Variants in GNE observed in about 807,000 individuals in gnomAD.
GNE encodes bifunctional UDP-N-acetylglucosamine 2-epimerase/N-acetylmannosamine kinase.
GNE carries 41 observed loss-of-function variants against 61.8 expected under a neutral mutation model. The observed-to-expected ratio is 0.66, with a 90% CI of 0.52 to 0.86. The LOEUF (loss-of-function observed/expected upper bound fraction) is 0.86. Ranked by LOEUF, GNE falls within the 40% of genes least tolerant of loss-of-function variation. The pLI is 0.00. For synonymous variants in GNE, 264 were observed against 326.4 expected (o/e 0.81, Z 2.06); for missense variants, 608 against 909.1 (o/e 0.67, Z 4.26).
chr9:36,245,254 A>C (rs1829820977), intron 3 of GNE, among the ~76,000 whole-genome samples: 1 of 151,982 alleles, frequency 6.6e-6, no homozygotes, highest in African/African-American at 2.4e-5. Flanking sequence ...ACAGAGCAAG[A>C]CTCTGTCTCA....
At chr9:36,220,440 G>C (rs1400049137) in intron 9 of GNE, among the ~76,000 whole-genome samples, 1 of 152,222 alleles carries the variant, frequency 6.6e-6, no homozygotes, top group East Asian at 1.9e-4. Context: ...GCAGGAGCCG[G>C]CAGATCCACA....
At chr9:36,238,095 GA>G (rs1046422888) in intron 3 of GNE, among the ~76,000 whole-genome samples, 2 of 149,174 alleles carry the variant, frequency 1.3e-5, no homozygotes, top group African/African-American at 5.0e-5. Context: ...TAGATATATA[GA>G]TGTAGATATA....
intron 1 of GNE, among the ~76,000 whole-genome samples, chr9:36,271,255 C>T (rs1454521125): frequency 6.6e-6 from 1 of 152,238 alleles, no homozygotes; most frequent in Non-Finnish European, 1.5e-5. Context: ...CTGCTGCTTA[C>T]ACCCAATCAG....
chr9:36,239,664 G>C (rs889658781), intron 3 of GNE, among the ~76,000 whole-genome samples: 2 of 151,616 alleles, frequency 1.3e-5, no homozygotes, highest in Non-Finnish European at 2.9e-5. Context: ...GTAGAGTCAG[G>C]GTTTCACCAT....
At chr9:36,226,710 A>C (rs1225295011) in intron 7 of GNE, among the ~76,000 whole-genome samples, 1 of 152,218 alleles carries the variant, frequency 6.6e-6, no homozygotes, top group Non-Finnish European at 1.5e-5. Flanking sequence ...ATTAGAGATC[A>C]CTTTAACATG....
chr9:36,239,687 AGT>A (rs1829557052), intron 3 of GNE, among the ~76,000 whole-genome samples: 1 of 151,770 alleles, frequency 6.6e-6, no homozygotes, highest in Non-Finnish European at 1.5e-5. Flanking sequence ...TGGCCAGGCT[AGT>A]CTCAAACTCC....
upstream of GNE, among the ~76,000 whole-genome samples, chr9:36,259,213 T>A (rs551533695): frequency 6.6e-6 from 1 of 152,330 alleles, no homozygotes; most frequent in African/African-American, 2.4e-5. Context: ...TGCCACCGAA[T>A]CAGGCTTTAA....
intron 3 of GNE, among the ~76,000 whole-genome samples, chr9:36,241,344 T>C (rs922500690): frequency 2.0e-5 from 3 of 152,220 alleles, no homozygotes; most frequent in African/African-American, 7.2e-5. Flanking sequence ...CTCTATCTCC[T>C]GACCTTGTGA....
chr9:36,221,127 C>G (rs1480161926), intron 9 of GNE, among the ~76,000 whole-genome samples: 1 of 152,102 alleles, frequency 6.6e-6, no homozygotes, highest in African/African-American at 2.4e-5. Context: ...TCAAGACCAG[C>G]CTGACCAACG....
intron 2 of GNE, among the ~76,000 whole-genome samples, chr9:36,247,306 C>T (rs1240780742): frequency 2.0e-5 from 3 of 151,960 alleles, no homozygotes; most frequent in African/African-American, 7.2e-5. Flanking sequence ...CCGCCCGCCT[C>T]GTCCTCCCAA....
Position 36,218,382 on chromosome 9 carries a change from CCTA to C in GNE, c.1817-86_1817-84del. ...CCACTGGGCCTGTGGAAAGCAAGCC[CCTA>C]CATGGGAAGACGGTGTTTTCTTTTC... On this transcript the variant is annotated intron_variant, in intron 10 of 11. Transcript: ENST00000642385. This position sits in a 1 kb window ranked among gnomAD's most constrained non-coding sequence, Gnocchi z 4.1. The C allele has an allele frequency of 1.1e-6, 1 of 915,964 alleles. No individual in the cohort carries two copies. Among genetic ancestry groups the C allele is most frequent in the Non-Finnish European group, 1.8e-6 (1 of 548,480 alleles). 56.7% of individuals were successfully genotyped at this position (915,964 alleles called of 1,614,324 possible).
chr9:36,237,822 T>C (rs1193472396), intron 3 of GNE, among the ~76,000 whole-genome samples: 2 of 150,372 alleles, frequency 1.3e-5, no homozygotes, highest in Admixed American at 6.7e-5. Context: ...CTCCTACTCT[T>C]CCCCCCAAGT....
At chr9:36,245,826 C>T (rs1213391270) in intron 3 of GNE, among the ~76,000 whole-genome samples, 1 of 152,088 alleles carries the variant, frequency 6.6e-6, no homozygotes, top group Non-Finnish European at 1.5e-5. Context: ...ATTTTTAAAA[C>T]TCAATCCACT....
chr9:36,222,418 C>CAAA (rs753437656), intron 9 of GNE, among the ~76,000 whole-genome samples: 14 of 117,220 alleles, frequency 1.2e-4, no homozygotes, highest in South Asian at 1.2e-3. Context: ...GACTCCGTCT[C>CAAA]AAAAAAAAAA....
intron 1 of GNE, among the ~76,000 whole-genome samples, chr9:36,267,173 T>A (rs1363647294): frequency 6.6e-6 from 1 of 152,240 alleles, no homozygotes; most frequent in Non-Finnish European, 1.5e-5. Context: ...ATGTACTGAT[T>A]AAGATACTTA....
chr9:36,231,916 GA>G (rs2133060162), intron 5 of GNE, among the ~76,000 whole-genome samples: 1 of 152,230 alleles, frequency 6.6e-6, no homozygotes, highest in East Asian at 1.9e-4. Flanking sequence ...AGCTATAAGA[GA>G]ACTCTTAATT....
intron 1 of GNE, among the ~76,000 whole-genome samples, chr9:36,251,503 A>G (rs1830104548): frequency 6.6e-6 from 1 of 152,062 alleles, no homozygotes; most frequent in African/African-American, 2.4e-5. Context: ...AGCTCATTGC[A>G]GCCTGGAACT....
At chr9:36,266,715 C>A (rs1830806144) in intron 1 of GNE, among the ~76,000 whole-genome samples, 1 of 152,204 alleles carries the variant, frequency 6.6e-6, no homozygotes, top group Non-Finnish European at 1.5e-5. Context: ...CGAGACCATC[C>A]TGGCTAACAC....
At chr9:36,260,038 G>A (rs1052065288), upstream of GNE, among the ~76,000 whole-genome samples, 1 of 151,980 alleles carries the variant, frequency 6.6e-6, no homozygotes. Flanking sequence ...TGAAGTGGAT[G>A]GATATGATGT....
Sources: allele counts gnomAD v4.1 joint callset (sites outside exome capture counted in the v4.1 genomes callset), GRCh38; gene constraint gnomAD v4.1.1; non-coding constraint Gnocchi (gnomAD v3.1); transcripts MANE v1.5; gene names NCBI Gene and HGNC (gene_info 2026-07-23, HGNC 2026-07-21).